Variants in MDK observed in about 807,000 individuals in gnomAD.
MDK encodes midkine.
Under a neutral mutation model 18.9 loss-of-function variants are expected in MDK, and 17 were observed. That is an observed-to-expected ratio of 0.90 (90% confidence interval 0.62 to 1.35). The LOEUF (loss-of-function observed/expected upper bound fraction) is 1.35, where lower values mean the gene tolerates loss of function less well. MDK is among the 40% of genes most tolerant of loss of function. The pLI, the probability that MDK is intolerant of heterozygous loss-of-function variation, is 0.00. For synonymous variants in MDK, 86 were observed against 74.3 expected (o/e 1.16, Z -0.81); for missense variants, 180 against 186.3 (o/e 0.97, Z 0.20).
Position 46,382,664 on chromosome 11 carries a change from A to C in MDK, c.322A>C (p.Lys108Gln). ...CACCAAAGTCCGCCAAGGCACCCTG[A>C]AGAAGGCGCGCTACAATGCTCAGTG... The part of the protein sequence containing the change: ...TGTKVRQGTL[K>Q]KARYNAQCQE... Residue 108 changes from lysine to glutamine, a missense_variant, in exon 4 of 5, where the codon AAG (lysine) becomes CAG (glutamine). Coordinates refer to ENST00000395566, the MANE Select transcript of MDK (RefSeq NM_002391.6). 6.2e-7 allele frequency: 1 copy of C among 1,613,188 alleles called. No individual in the cohort carries two copies. The highest frequency in any genetic ancestry group is 8.5e-7 in the Non-Finnish European group (1 of 1,179,908).
At chr11:46,382,790 G>GGGGGGGGGGGGGGGGGGC in intron 4 of MDK, 42 bp downstream of exon 4, 5 of 985,980 alleles carry the variant, frequency 5.1e-6, no homozygotes, top group Middle Eastern at 3.2e-4. Context: ...GCGGGGGGCT[G>GGGGGGGGGGGGGGGGGGC]CCCCCCCCCC....
At chr11:46,380,932 G>C (rs1263515233), upstream of MDK, 2 of 152,328 alleles carry the variant, frequency 1.3e-5, no homozygotes, top group Admixed American at 6.5e-5. Flanking sequence ...CCCAGGGTTA[G>C]AGGGGGTGGG....
At chr11:46,382,170 C>T (rs1481398667) in intron 2 of MDK, 37 bp downstream of exon 2, 2 of 1,608,074 alleles carry the variant, frequency 1.2e-6, no homozygotes, top group East Asian at 2.2e-5. Flanking sequence ...TGGGGACGGG[C>T]AGGCGAGGCC....
intron 4 of MDK, 21 bp downstream of exon 4, chr11:46,382,769 G>A (rs1372777706): frequency 6.3e-7 from 1 of 1,587,104 alleles, no homozygotes; most frequent in Admixed American, 1.8e-5. Flanking sequence ...GGAGAAGGGG[G>A]TGGGGCTGTC....
In MDK at chr11:46,382,801, C is replaced by G. The variant is rs760785471; in HGVS notation, c.406+53C>G. On this transcript the variant is annotated intron_variant, in intron 4 of 4. Coordinates refer to ENST00000395566, the MANE Select transcript of MDK (RefSeq NM_002391.6). Reference sequence around the variant, plus strand: ...TGTCGCGGGGGGCTGCCCCCCCCCCCCCCCGCCTGTGAGGGGACAATTCCA... The same window carrying G: ...TGTCGCGGGGGGCTGCCCCCCCCCCGCCCCGCCTGTGAGGGGACAATTCCA... 4.9e-5 allele frequency: 74 copies of G among 1,523,930 alleles called. 1 individual carries two copies. The highest frequency in any genetic ancestry group is 3.7e-4 in the South Asian group (31 of 83,306). The allele number at this position is 1,523,930 out of a possible 1,614,324, so 94.4% of individuals were successfully genotyped here. A position where few individuals can be genotyped will look rare whatever the true frequency, so the allele number is the denominator to read the frequency against.
intron 1 of MDK, 137 bp from the exon 2 acceptor site, chr11:46,381,920 G>C: frequency 1.1e-6 from 1 of 902,754 alleles, no homozygotes; most frequent in Admixed American, 2.5e-5. Flanking sequence ...GCCGCCCCAA[G>C]TCTTCCCACC....
At position 46,382,125 on chromosome 11, in the gene MDK, AAAAG is replaced by A. The variant is rs757917285; in HGVS notation, c.73_76del (p.Lys25IlefsTer3). ...CTGGCGCTCACCTCCGCGGTCGCCAAAAAGAAAGGTGATGGGGGATGATCGAAGG... is the reference window on the plus strand; with the variant it reads ...CTGGCGCTCACCTCCGCGGTCGCCAAAAAGGTGATGGGGGATGATCGAAGG... On this transcript the variant is annotated frameshift_variant, in exon 2 of 5. Transcript: ENST00000395566. LOFTEE classifies it high-confidence loss of function. The A allele has an allele frequency of 5.0e-6, 8 of 1,611,266 alleles. No individual in the cohort carries two copies. Among genetic ancestry groups the A allele is most frequent in the Non-Finnish European group, 6.8e-6 (8 of 1,179,286 alleles).
In MDK at chr11:46,382,680, A is replaced by G; in HGVS notation, c.338A>G (p.Asn113Ser). Residue 113 changes from asparagine (N) to serine (S), a missense_variant, in exon 4 of 5, where the codon AAT becomes AGT. By Grantham distance (46) the Asn-to-Ser change is conservative. Transcript: ENST00000395566. ...GGCACCCTGAAGAAGGCGCGCTACAATGCTCAGTGCCAGGAGACCATCCGC... is the reference window on the plus strand; with the variant it reads ...GGCACCCTGAAGAAGGCGCGCTACAGTGCTCAGTGCCAGGAGACCATCCGC... Reference protein sequence around the residue: ...RQGTLKKARYNAQCQETIRVT... With the variant: ...RQGTLKKARYSAQCQETIRVT... The G allele has an allele frequency of 2.5e-6, 4 of 1,612,692 alleles. No individual in the cohort carries two copies. The South Asian group carries it at 3.3e-5, about 13-fold the overall frequency.
rs1945288556 is a variant in MDK, at chr11:46,383,586, G to T, written c.*92G>T. On this transcript the variant is annotated 3_prime_UTR_variant, in exon 5 of 5. Coordinates refer to ENST00000395566, the MANE Select transcript of MDK (RefSeq NM_002391.6). ...CAGGCCCGAGATGTGACCCACCAGT[G>T]CCTTCTGTCTGCTCGTTAGCTTTAA... 1.8e-6 allele frequency: 2 copies of T among 1,131,212 alleles called. No homozygotes were observed. The highest frequency in any genetic ancestry group is 1.5e-5 in the African/African-American group (1 of 65,740). 70.1% of individuals were successfully genotyped at this position (1,131,212 alleles called of 1,614,324 possible).
chr11:46,381,130 ACT>A (rs1945151402), upstream of MDK: 1 of 151,602 alleles, frequency 6.6e-6, no homozygotes, highest in South Asian at 2.1e-4. Context: ...CGGGTCCCAG[ACT>A]CCCCCCAGCA....
chr11:46,383,533 TG>T lies in MDK; in HGVS notation c.*43del. The stretch of plus-strand genomic sequence containing the variant: ...ATGCCAAGGAGCCCCTGGTGTCACA[TG>T]GGGCCTGGCCCACGCCCTCCCTCTC... On this transcript the variant is annotated 3_prime_UTR_variant, in exon 5 of 5. Transcript: ENST00000395566. 6.2e-7 allele frequency: 1 copy of T among 1,601,152 alleles called. No homozygotes were observed. The highest frequency in any genetic ancestry group is 8.6e-7 in the Non-Finnish European group (1 of 1,168,756).
Position 46,382,744 on chromosome 11 carries a change from C to T in MDK, c.402C>T (p.Ala134=). The T allele has an allele frequency of 6.3e-7, 1 of 1,591,760 alleles. No individual in the cohort carries two copies. Among genetic ancestry groups the T allele is most frequent in the Non-Finnish European group, 8.5e-7 (1 of 1,172,580 alleles). Residue 134 remains alanine (A), a synonymous_variant, in exon 4 of 5, where the codon GCC becomes GCT. Transcript: ENST00000395566. ...GCACCCCCAAGACCAAAGCAAAGGCCAAAGGTCAGCGAAAGGAGAAGGGGG... is the reference window on the plus strand; with the variant it reads ...GCACCCCCAAGACCAAAGCAAAGGCTAAAGGTCAGCGAAAGGAGAAGGGGG... ...KPCTPKTKAK[A]KAKKGKGKD is the part of the protein sequence containing the mutation.
Position 46,383,536 on chromosome 11 carries a change from G to A in MDK, c.*42G>A, listed in dbSNP as rs752220213. The A allele has an allele frequency of 1.2e-6, 2 of 1,601,318 alleles. No homozygotes were observed. Among genetic ancestry groups the A allele is most frequent in the South Asian group, 2.2e-5 (2 of 90,864 alleles). On this transcript the variant is annotated 3_prime_UTR_variant, in exon 5 of 5. Coordinates refer to ENST00000395566, the MANE Select transcript of MDK (RefSeq NM_002391.6). ...CCAAGGAGCCCCTGGTGTCACATGG[G>A]GCCTGGCCCACGCCCTCCCTCTCCC... is the stretch of plus-strand genomic sequence containing the variant.
chr11:46,383,533 T>C lies in MDK; in HGVS notation c.*39T>C, dbSNP rs201730606. The stretch of plus-strand genomic sequence containing the variant: ...ATGCCAAGGAGCCCCTGGTGTCACA[T>C]GGGGCCTGGCCCACGCCCTCCCTCT... On this transcript the variant is annotated 3_prime_UTR_variant, in exon 5 of 5. Coordinates refer to ENST00000395566, the MANE Select transcript of MDK (RefSeq NM_002391.6). The C allele has an allele frequency of 6.2e-7, 1 of 1,601,152 alleles. No individual in the cohort carries two copies. Among genetic ancestry groups the C allele is most frequent in the Non-Finnish European group, 8.6e-7 (1 of 1,168,756 alleles).
downstream of MDK, chr11:46,383,804 A>G (rs533285334): frequency 2.2e-6 from 1 of 450,850 alleles, no homozygotes; most frequent in East Asian, 4.5e-5. Context: ...CCCCCCAATA[A>G]AAGCTCTTCT....
At position 46,381,700 on chromosome 11, in the gene MDK, C is replaced by A. The variant is rs1426285682; in HGVS notation, c.-60C>A. ...GTTCTGGAGACAAAAGGGGCCGCGG[C>A]GGCCGGAGCGGGACGGGCCCGGCGC... On this transcript the variant is annotated 5_prime_UTR_variant, in exon 1 of 5. Coordinates refer to ENST00000395566, the MANE Select transcript of MDK (RefSeq NM_002391.6). 1 of 158,124 alleles carries A rather than the reference C, an allele frequency of 6.3e-6. No homozygotes were observed. The highest frequency in any genetic ancestry group is 2.5e-5 in the African/African-American group (1 of 39,914). 9.8% of individuals were successfully genotyped at this position (158,124 alleles called of 1,614,324 possible).
rs776591122 is a variant in MDK, at chr11:46,382,724, C to T, written c.382C>T (p.Pro128Ser). ...CATCCGCGTCACCAAGCCCTGCACC[C>T]CCAAGACCAAAGCAAAGGCCAAAGG... The part of the protein sequence containing the change: ...ETIRVTKPCT[P>S]KTKAKAKAKK... Residue 128 changes from proline (P) to serine (S), a missense_variant, in exon 4 of 5, where the codon CCC becomes TCC. Transcript: ENST00000395566. 2 of 1,612,528 alleles carry T rather than the reference C, an allele frequency of 1.2e-6. No individual in the cohort carries two copies. Among genetic ancestry groups the T allele is most frequent in the East Asian group, 2.2e-5 (1 of 44,842 alleles).
chr11:46,382,782 G>T, intron 4 of MDK, 34 bp downstream of exon 4: 2 of 1,548,436 alleles, frequency 1.3e-6, no homozygotes, highest in Non-Finnish European at 1.7e-6. Flanking sequence ...GGGCTGTCGC[G>T]GGGGGCTGCC....
At chr11:46,383,154 C>T in intron 4 of MDK, 2 of 411,702 alleles carry the variant, frequency 4.9e-6, no homozygotes, top group South Asian at 5.6e-5. Flanking sequence ...CTCAGCCCAG[C>T]GAGGCCAGCA....
Sources: allele counts gnomAD v4.1 joint callset, GRCh38; gene constraint gnomAD v4.1.1; transcripts MANE v1.5; gene names NCBI Gene and HGNC (gene_info 2026-07-23, HGNC 2026-07-21).